Variants in PTPRD observed in about 807,000 individuals in gnomAD.
PTPRD encodes protein tyrosine phosphatase receptor type D.
Under a neutral mutation model 214.5 loss-of-function variants are expected in PTPRD, and 34 were observed. The observed-to-expected ratio is 0.16, with a 90% confidence interval of 0.12 to 0.21. The LOEUF (loss-of-function observed/expected upper bound fraction) is 0.21, where lower values mean the gene tolerates loss of function less well. Ranked by LOEUF, PTPRD falls within the 10% of genes least tolerant of loss-of-function variation. The pLI is 1.00. For synonymous variants in PTPRD, 1,128 were observed against 845.7 expected, an observed-to-expected ratio of 1.33 and a Z score of -5.79; for missense variants, 2,545 against 2,398.7, an observed-to-expected ratio of 1.06 and a Z score of -1.27.
At position 8,503,540 on chromosome 9, in the gene PTPRD, T is replaced by C. The variant is rs139477415; in HGVS notation, c.1822+721A>G. Among the ~76,000 whole-genome samples, 299 of 152,292 alleles carry C rather than the reference T, an allele frequency of 2.0e-3. 2 individuals carry two copies. The highest frequency in any genetic ancestry group is 7.0e-3 in the African/African-American group (292 of 41,574). On this transcript the variant is annotated intron_variant, in intron 23 of 45. Transcript: ENST00000381196. ...CCACCAAAAACAAAATCCTGTATAA[T>C]ACTTTATGCAAAACAATCTGCCCTG...
At chr9:8,779,714 C>A (rs1049236048) in intron 11 of PTPRD, among the ~76,000 whole-genome samples, 1 of 151,972 alleles carries the variant, frequency 6.6e-6, no homozygotes, top group African/African-American at 2.4e-5. Context: ...CTCAGGCTGG[C>A]GTTCCACAAA....
chr9:8,905,785 T>C (rs1432020449), intron 11 of PTPRD, among the ~76,000 whole-genome samples: 2 of 151,478 alleles, frequency 1.3e-5, no homozygotes, highest in Non-Finnish European at 2.9e-5. Flanking sequence ...TAGCCTACCC[T>C]TCTTCCATTG....
chr9:8,449,997 C>G (rs577253497), intron 33 of PTPRD, among the ~76,000 whole-genome samples, 160 bp from the exon 34 acceptor site: 1 of 152,204 alleles, frequency 6.6e-6, no homozygotes, highest in South Asian at 2.1e-4. Flanking sequence ...GCTTTTCCCC[C>G]CTGGCCTAAT....
intron 11 of PTPRD, among the ~76,000 whole-genome samples, chr9:8,816,303 T>G (rs1037233254): frequency 2.4e-4 from 36 of 152,236 alleles, no homozygotes; most frequent in Non-Finnish European, 1.5e-5. Context: ...TATAAAGGTC[T>G]GCGAGAGGCT....
chr9:10,164,799 C>A (rs1459979376), intron 3 of PTPRD, among the ~76,000 whole-genome samples: 2 of 150,754 alleles, frequency 1.3e-5, no homozygotes, highest in Non-Finnish European at 1.5e-5. Flanking sequence ...TAGATTATTC[C>A]TGAAGGTTTA....
At chr9:8,816,932 C>T (rs1490858852) in intron 11 of PTPRD, among the ~76,000 whole-genome samples, 1 of 152,174 alleles carries the variant, frequency 6.6e-6, no homozygotes, top group African/African-American at 2.4e-5. Context: ...TCTTTGCAAA[C>T]CTGTGCTTCA....
In PTPRD at chr9:8,391,587, A is replaced by G. The variant is rs962325111; in HGVS notation, c.4211-2180T>C. On this transcript the variant is annotated intron_variant, in intron 36 of 45. Coordinates refer to ENST00000381196, the MANE Select transcript of PTPRD (RefSeq NM_002839.4). The stretch of plus-strand genomic sequence containing the variant: ...TCTGAGTCAAGAATGAATCCATCTA[A>G]CAGGAAAAACCTACTTTCAAAACTT... Among the ~76,000 whole-genome samples, 12 of 152,350 alleles carry G rather than the reference A, an allele frequency of 7.9e-5. No individual in the cohort carries two copies. In the East Asian group the frequency reaches 2.3e-3, roughly 29 times the overall value.
At chr9:8,791,011 A>G (rs758441199) in intron 11 of PTPRD, among the ~76,000 whole-genome samples, 10 of 152,204 alleles carry the variant, frequency 6.6e-5, no homozygotes, top group Non-Finnish European at 1.0e-4. Flanking sequence ...GCTATAGCCA[A>G]TAAAGACTCA....
intron 11 of PTPRD, among the ~76,000 whole-genome samples, chr9:8,741,190 T>C (rs1034183411): frequency 6.6e-6 from 1 of 151,450 alleles, no homozygotes; most frequent in South Asian, 2.1e-4. Flanking sequence ...AGGTATGCCG[T>C]GAGAAATGAA....
At chr9:10,219,180 T>C (rs939962345) in intron 3 of PTPRD, among the ~76,000 whole-genome samples, 7 of 151,774 alleles carry the variant, frequency 4.6e-5, no homozygotes, top group Admixed American at 1.3e-4. Context: ...AAAACCTATA[T>C]ATATATTCTC....
chr9:10,017,309 G>C (rs891441120), intron 4 of PTPRD, among the ~76,000 whole-genome samples: 1 of 151,624 alleles, frequency 6.6e-6, no homozygotes, highest in African/African-American at 2.4e-5. Flanking sequence ...TTTTATCAAT[G>C]TTCAGGAGTC....
At chr9:8,763,701 T>G (rs558437525) in intron 11 of PTPRD, among the ~76,000 whole-genome samples, 2 of 151,726 alleles carry the variant, frequency 1.3e-5, no homozygotes, top group African/African-American at 2.4e-5. Flanking sequence ...CACAATCTTC[T>G]TTTGGAATTT....
intron 2 of PTPRD, among the ~76,000 whole-genome samples, chr9:10,380,756 G>A (rs1441833696): frequency 6.9e-6 from 1 of 144,842 alleles, no homozygotes; most frequent in Non-Finnish European, 1.5e-5. Context: ...TGCAGCCCTT[G>A]TCATCCCAGC....
chr9:9,872,789 G>A (rs1257463813), intron 5 of PTPRD, among the ~76,000 whole-genome samples: 1 of 152,118 alleles, frequency 6.6e-6, no homozygotes, highest in African/African-American at 2.4e-5. Context: ...AAGTAATTGA[G>A]TATGTTCCCA....
intron 5 of PTPRD, among the ~76,000 whole-genome samples, chr9:9,774,855 T>C (rs1339916726): frequency 6.6e-6 from 1 of 152,248 alleles, no homozygotes; most frequent in African/African-American, 2.4e-5. Context: ...TATATTCTTT[T>C]GCTGTTTTAT....
At chr9:10,005,189 C>T (rs546201321) in intron 4 of PTPRD, among the ~76,000 whole-genome samples, 69 of 152,118 alleles carry the variant, frequency 4.5e-4, no homozygotes, top group African/African-American at 1.5e-3. Flanking sequence ...CCTAGGGCAG[C>T]AGATAAGGCA....
At chr9:8,623,719 G>C (rs901468891) in intron 14 of PTPRD, among the ~76,000 whole-genome samples, 1 of 151,726 alleles carries the variant, frequency 6.6e-6, no homozygotes, top group African/African-American at 2.4e-5. Context: ...TTCTTATCTC[G>C]ACTTGATAGA....
At chr9:9,129,309 G>C (rs112119243) in intron 10 of PTPRD, among the ~76,000 whole-genome samples, 34 of 152,242 alleles carry the variant, frequency 2.2e-4, no homozygotes, top group African/African-American at 6.5e-4. Flanking sequence ...AGAATCACTG[G>C]AACCCAGGAG....
intron 39 of PTPRD, among the ~76,000 whole-genome samples, chr9:8,368,713 C>G (rs1358853573): frequency 1.8e-5 from 2 of 111,998 alleles, no homozygotes; most frequent in African/African-American, 7.9e-5. Context: ...TACTTTTAAA[C>G]TATTTTGGCA....
Sources: gnomAD v4.1 joint callset for allele counts (sites outside exome capture counted in the v4.1 genomes callset) on GRCh38, gnomAD v4.1.1 for gene constraint, MANE v1.5 for transcripts, NCBI Gene and HGNC (gene_info 2026-07-23, HGNC 2026-07-21) for gene names.